SDK1: variants seen among roughly 807,000 people sequenced by gnomAD.
SDK1 encodes protein sidekick-1.
SDK1 carries 157 observed loss-of-function variants against 245.5 expected under a neutral mutation model. That is an observed-to-expected ratio of 0.64 (90% CI 0.56 to 0.73). SDK1 has a LOEUF of 0.73. SDK1 is among the 30% of genes least tolerant of loss of function. The probability of loss-of-function intolerance (pLI) is 0.00; values close to 1 mark genes in which losing one functional copy is unlikely to be tolerated. For synonymous variants in SDK1, 1,647 were observed against 1,278.5 expected, an observed-to-expected ratio of 1.29 and a Z score of -6.15; for missense variants, 3,583 against 3,002.3, an observed-to-expected ratio of 1.19 and a Z score of -4.52.
chr7:3,301,451 C>G lies in SDK1; in HGVS notation c.-136C>G, dbSNP rs917725605. On this transcript the variant is annotated 5_prime_UTR_variant, in exon 1 of 45. Transcript: ENST00000404826. ...CGCGGGGACCCAGGACGCCGCCCCT[C>G]AGCGCTGGGCGGCCGCTCACCTCGG... 7.3e-5 allele frequency: 13 copies of G among 178,370 alleles called. No individual in the cohort carries two copies. Among genetic ancestry groups the G allele is most frequent in the East Asian group, 1.9e-4 (1 of 5,156 alleles). The allele number at this position is 178,370 out of a possible 1,614,324, so 11.0% of individuals were successfully genotyped here. A position where few individuals can be genotyped will look rare whatever the true frequency, so the allele number is the denominator to read the frequency against.
At chr7:3,495,341 T>TC (rs1314036090) in intron 1 of SDK1, among the ~76,000 whole-genome samples, 1 of 140,778 alleles carries the variant, frequency 7.1e-6, no homozygotes, top group Non-Finnish European at 1.5e-5. Context: ...CATTGCAGCC[T>TC]CTGCCTCTCA....
intron 17 of SDK1, among the ~76,000 whole-genome samples, chr7:4,039,306 A>AG (rs998905637): frequency 3.3e-5 from 5 of 152,124 alleles, no homozygotes; most frequent in Non-Finnish European, 7.4e-5. Context: ...GTATAATAAA[A>AG]AAAAAAGTTT....
At chr7:3,486,706 A>T (rs1284015790) in intron 1 of SDK1, among the ~76,000 whole-genome samples, 1 of 152,064 alleles carries the variant, frequency 6.6e-6, no homozygotes, top group African/African-American at 2.4e-5. Flanking sequence ...AGATGTAGAG[A>T]TAGTAGATTT....
rs186391969 is a variant in SDK1, at chr7:3,563,194, G to A, written c.299-55886G>A. On this transcript the variant is annotated intron_variant, in intron 1 of 44. Coordinates refer to ENST00000404826, the MANE Select transcript of SDK1 (RefSeq NM_152744.4). ...CTAGCCAATCAAAAATAGGAAAGGGGAAGTGGGATGGAAAGAATAAAACAA... is the reference window on the plus strand; with the variant it reads ...CTAGCCAATCAAAAATAGGAAAGGGAAAGTGGGATGGAAAGAATAAAACAA... Among the ~76,000 whole-genome samples, 402 of 152,158 alleles carry A rather than the reference G, an allele frequency of 2.6e-3. 2 individuals are homozygous for A. The highest frequency in any genetic ancestry group is 9.2e-3 in the African/African-American group (382 of 41,506).
intron 32 of SDK1, among the ~76,000 whole-genome samples, chr7:4,169,508 A>T (rs550004678): frequency 6.6e-6 from 1 of 152,288 alleles, no homozygotes; most frequent in Non-Finnish European, 1.5e-5. Flanking sequence ...CTCAAACGCC[A>T]TTCCCTGCAG....
intron 7 of SDK1, among the ~76,000 whole-genome samples, chr7:3,952,777 T>G (rs748317741): frequency 1.3e-5 from 2 of 152,108 alleles, no homozygotes; most frequent in Non-Finnish European, 2.9e-5. Flanking sequence ...TAAAATTAAG[T>G]ACACTGGAGT....
At chr7:3,454,650 A>C (rs371664654) in intron 1 of SDK1, among the ~76,000 whole-genome samples, 10 of 152,196 alleles carry the variant, frequency 6.6e-5, no homozygotes, top group African/African-American at 2.4e-4. Flanking sequence ...TTCTCTTGGA[A>C]ATAATCTGAT....
chr7:3,531,641 A>G lies in SDK1; in HGVS notation c.299-87439A>G, dbSNP rs147033648. Reference sequence around the variant, plus strand: ...TTCATTATTTGCTATCAGCCATACTATTTTCTCCCACATTAGTGTAGGTTA... The same window carrying G: ...TTCATTATTTGCTATCAGCCATACTGTTTTCTCCCACATTAGTGTAGGTTA... On this transcript the variant is annotated intron_variant, in intron 1 of 44. Transcript: ENST00000404826. Among the ~76,000 whole-genome samples, 179 of 152,236 alleles carry G rather than the reference A, an allele frequency of 1.2e-3. 3 individuals carry two copies. Among genetic ancestry groups the G allele is most frequent in the African/African-American group, 3.6e-3 (151 of 41,542 alleles).
intron 41 of SDK1, among the ~76,000 whole-genome samples, chr7:4,234,235 G>T (rs961164227): frequency 6.6e-6 from 1 of 152,166 alleles, no homozygotes; most frequent in Admixed American, 6.5e-5. Flanking sequence ...AGGTACTGCC[G>T]ATCCCAGGCT....
chr7:3,987,799 A>T (rs1419455012), intron 14 of SDK1, among the ~76,000 whole-genome samples: 1 of 152,058 alleles, frequency 6.6e-6, no homozygotes, highest in Non-Finnish European at 1.5e-5. Flanking sequence ...GAACTCTTCT[A>T]CATGAAACAT....
At chr7:3,824,692 A>G (rs1217724801) in intron 5 of SDK1, among the ~76,000 whole-genome samples, 2 of 152,194 alleles carry the variant, frequency 1.3e-5, no homozygotes, top group Non-Finnish European at 2.9e-5. Flanking sequence ...TGAGAGTTCA[A>G]AAACGTCACC....
chr7:3,445,863 C>A (rs2128590037), intron 1 of SDK1, among the ~76,000 whole-genome samples: 1 of 152,036 alleles, frequency 6.6e-6, no homozygotes, highest in Non-Finnish European at 1.5e-5. Context: ...TCCTTCCTTT[C>A]CTTCCTGATG....
At chr7:4,113,761 A>G (rs1256820532) in intron 24 of SDK1, among the ~76,000 whole-genome samples, 1 of 152,244 alleles carries the variant, frequency 6.6e-6, no homozygotes, top group Non-Finnish European at 1.5e-5. Context: ...AATATTTGTA[A>G]GAGAGCCAGC....
chr7:4,037,605 G>A (rs989642427), intron 17 of SDK1, among the ~76,000 whole-genome samples: 1 of 152,134 alleles, frequency 6.6e-6, no homozygotes, highest in African/African-American at 2.4e-5. Context: ...GGGCGACAGT[G>A]CAAGACCACA....
chr7:3,814,528 G>C (rs1021186951), intron 4 of SDK1, among the ~76,000 whole-genome samples: 7 of 151,824 alleles, frequency 4.6e-5, no homozygotes, highest in Non-Finnish European at 8.8e-5. Flanking sequence ...TTGTAGTATA[G>C]TTTGAAGTCA....
intron 1 of SDK1, among the ~76,000 whole-genome samples, chr7:3,603,600 T>G (rs1262578077): frequency 6.6e-6 from 1 of 152,138 alleles, no homozygotes; most frequent in Non-Finnish European, 1.5e-5. Flanking sequence ...GATGGGGTTT[T>G]CTAGATATAC....
At chr7:3,562,010 CAT>C (rs1779765467) in intron 1 of SDK1, among the ~76,000 whole-genome samples, 1 of 152,192 alleles carries the variant, frequency 6.6e-6, no homozygotes, top group African/African-American at 2.4e-5. Flanking sequence ...AATAAGCATT[CAT>C]AAATATTTTA....
intron 22 of SDK1, among the ~76,000 whole-genome samples, chr7:4,087,758 C>T (rs982124145): frequency 6.6e-6 from 1 of 152,120 alleles, no homozygotes; most frequent in African/African-American, 2.4e-5. Context: ...GACCTGGTTC[C>T]CCCCTTTTTT....
intron 4 of SDK1, among the ~76,000 whole-genome samples, chr7:3,666,247 A>G (rs2568520): frequency 0.026 from 3,921 of 152,046 alleles, 191 homozygotes; most frequent in African/African-American, 0.089. Context: ...TGCCGCCTGC[A>G]TCTGGCCTTG....
Sources: allele counts gnomAD v4.1 joint callset (sites outside exome capture counted in the v4.1 genomes callset), GRCh38; gene constraint gnomAD v4.1.1; transcripts MANE v1.5; gene names NCBI Gene and HGNC (gene_info 2026-07-23, HGNC 2026-07-21).